The following ULK4 variants were observed in gnomAD, a reference collection of about 807,000 sequenced individuals.
ULK4 encodes inactive serine/threonine-protein kinase ULK4.
Under a neutral mutation model 160.6 loss-of-function variants are expected in ULK4, and 133 were observed. The ratio of observed to expected loss-of-function variants is 0.83; its 90% CI spans 0.72 to 0.96. The LOEUF is 0.96. ULK4 is among the 40% of genes least tolerant of loss of function. ULK4 has a pLI of 0.00. For synonymous variants in ULK4, 534 were observed against 539.8 expected (o/e 0.99, Z 0.15); for missense variants, 1,580 against 1,499.5 (o/e 1.05, Z -0.89).
At chr3:41,719,339 T>A (rs1559506428) in intron 22 of ULK4, among the ~76,000 whole-genome samples, 1 of 152,202 alleles carries the variant, frequency 6.6e-6, no homozygotes, top group East Asian at 1.9e-4. Flanking sequence ...TATACAGATA[T>A]CTTCCAATTA....
intron 2 of ULK4, among the ~76,000 whole-genome samples, chr3:41,942,743 G>A (rs981553230): frequency 1.3e-5 from 2 of 151,854 alleles, no homozygotes; most frequent in Non-Finnish European, 2.9e-5. Context: ...CTTGAACCCG[G>A]GAGGTGAGGC....
intron 31 of ULK4, among the ~76,000 whole-genome samples, chr3:41,602,848 G>C (rs2032183595): frequency 6.6e-6 from 1 of 151,658 alleles, no homozygotes; most frequent in Non-Finnish European, 1.5e-5. Flanking sequence ...TAAACAAAGA[G>C]AAATCCTCAA....
intron 30 of ULK4, among the ~76,000 whole-genome samples, chr3:41,640,585 T>C (rs572652766): frequency 8.0e-4 from 122 of 152,192 alleles, no homozygotes; most frequent in African/African-American, 2.7e-3. Context: ...CAAGCTTCAA[T>C]AGGAAACACA....
intron 29 of ULK4, among the ~76,000 whole-genome samples, chr3:41,668,089 T>G (rs34831355): frequency 6.6e-6 from 1 of 152,178 alleles, no homozygotes; most frequent in Non-Finnish European, 1.5e-5. Context: ...GTCTCCAATT[T>G]TGTTGAGAGG....
At chr3:41,715,072 CAAATTTTA>C (rs2037220388) in intron 25 of ULK4, among the ~76,000 whole-genome samples, 157 bp downstream of exon 25, 2 of 152,098 alleles carry the variant, frequency 1.3e-5, no homozygotes, top group Non-Finnish European at 2.9e-5. Flanking sequence ...CTCCAAATGT[CAAATTTTA>C]TTACAGTCAA....
At chr3:41,402,737 T>A (rs986111898) in intron 34 of ULK4, among the ~76,000 whole-genome samples, 6 of 152,222 alleles carry the variant, frequency 3.9e-5, no homozygotes, top group African/African-American at 1.4e-4. Context: ...TATACATTGA[T>A]GTATTCAATT....
chr3:41,291,829 CT>C (rs57691333), intron 35 of ULK4, among the ~76,000 whole-genome samples: 31,718 of 133,264 alleles, frequency 0.24, 5,261 homozygotes, highest in African/African-American at 0.49. Context: ...TTGTGATGTT[CT>C]TTTTTTTTTT....
intron 21 of ULK4, among the ~76,000 whole-genome samples, chr3:41,774,051 C>T (rs2039510324): frequency 1.3e-5 from 2 of 152,134 alleles, no homozygotes; most frequent in Admixed American, 6.5e-5. Context: ...CCCTTCCTTA[C>T]ACCTTATACA....
intron 34 of ULK4, among the ~76,000 whole-genome samples, chr3:41,430,946 A>G (rs888121365): frequency 2.0e-5 from 3 of 152,200 alleles, no homozygotes; most frequent in African/African-American, 7.2e-5. Flanking sequence ...AAACTCAGAG[A>G]ATTTACTGTT....
At chr3:41,328,621 G>C (rs866378931) in intron 35 of ULK4, among the ~76,000 whole-genome samples, 1 of 152,174 alleles carries the variant, frequency 6.6e-6, no homozygotes. Context: ...AGGCTTCGTA[G>C]AAGGCAATAT....
At chr3:41,678,183 C>CACACACACACACAA (rs2035796130) in intron 29 of ULK4, among the ~76,000 whole-genome samples, 1 of 136,988 alleles carries the variant, frequency 7.3e-6, no homozygotes, top group Non-Finnish European at 1.5e-5. Flanking sequence ...TTCATACACA[C>CACACACACACACAA]ACACACACAC....
intron 35 of ULK4, among the ~76,000 whole-genome samples, chr3:41,373,865 A>G (rs903202410): frequency 3.3e-5 from 5 of 152,228 alleles, no homozygotes; most frequent in Non-Finnish European, 5.9e-5. Context: ...TTCTGAAAAG[A>G]TTAACAAAAC....
intron 30 of ULK4, among the ~76,000 whole-genome samples, chr3:41,649,062 A>G (rs1170487025): frequency 1.3e-5 from 2 of 151,724 alleles, no homozygotes; most frequent in East Asian, 3.9e-4. Flanking sequence ...CAGGATGCAG[A>G]GTTTACAGTG....
chr3:41,767,591 T>C (rs1292255579), intron 21 of ULK4, among the ~76,000 whole-genome samples: 1 of 152,184 alleles, frequency 6.6e-6, no homozygotes, highest in East Asian at 1.9e-4. Flanking sequence ...ATATTCCATA[T>C]GTATGACTGT....
At position 41,554,652 on chromosome 3, in the gene ULK4, T is replaced by C. The variant is rs554176722; in HGVS notation, c.3226+11373A>G. Reference sequence around the variant, plus strand: ...AAGTTCGGTGGTTGATATCACCATATGGTGCCTACAGTTAACAACAATATA... The same window carrying C: ...AAGTTCGGTGGTTGATATCACCATACGGTGCCTACAGTTAACAACAATATA... On this transcript the variant is annotated intron_variant, in intron 32 of 36. Coordinates refer to ENST00000301831, the MANE Select transcript of ULK4 (RefSeq NM_017886.4). 2.6e-5 allele frequency among the ~76,000 whole-genome samples: 4 copies of C among 152,096 alleles called. 1 individual carries two copies. The highest frequency in any genetic ancestry group is 9.6e-5 in the African/African-American group (4 of 41,526).
chr3:41,747,851 C>CA (rs2038470288), intron 22 of ULK4, among the ~76,000 whole-genome samples: 2 of 152,090 alleles, frequency 1.3e-5, no homozygotes, highest in Non-Finnish European at 2.9e-5. Context: ...GATCTTGGAT[C>CA]TGTAGCCGAT....
chr3:41,754,517 A>C (rs1448959970), intron 21 of ULK4, 29 bp from the exon 22 acceptor site: 5 of 1,600,592 alleles, frequency 3.1e-6, no homozygotes, highest in Non-Finnish European at 4.3e-6. Flanking sequence ...CAATTTTTTG[A>C]GAGAACATAA....
chr3:41,352,096 T>C (rs2080922463), intron 35 of ULK4, among the ~76,000 whole-genome samples: 1 of 152,224 alleles, frequency 6.6e-6, no homozygotes, highest in Non-Finnish European at 1.5e-5. Flanking sequence ...AACACTGCTA[T>C]AATGTATTTG....
intron 33 of ULK4, among the ~76,000 whole-genome samples, chr3:41,460,246 A>G (rs11129908): frequency 0.53 from 80,958 of 151,914 alleles, 21,775 homozygotes; most frequent in East Asian, 0.67. Context: ...GAGGTAACAA[A>G]CTTCCCCATA....
Sources: gnomAD v4.1 joint callset for allele counts (sites outside exome capture counted in the v4.1 genomes callset) on GRCh38, gnomAD v4.1.1 for gene constraint, MANE v1.5 for transcripts, NCBI Gene and HGNC (gene_info 2026-07-23, HGNC 2026-07-21) for gene names.